Variants in GRID1 observed in about 807,000 individuals in gnomAD.
GRID1 encodes glutamate ionotropic receptor delta type subunit 1.
A neutral mutation model predicts 98.0 loss-of-function variants in GRID1; 28 were observed. The ratio of observed to expected loss-of-function variants is 0.29; its 90% CI spans 0.21 to 0.39. The LOEUF is 0.39. GRID1 is among the 10% of genes least tolerant of loss of function. GRID1 has a pLI of 1.00. For missense variants in GRID1, 1,111 were observed against 1,340.5 expected (o/e 0.83, Z 2.67); for synonymous variants, 553 against 538.5 (o/e 1.03, Z -0.37).
intron 12 of GRID1, among the ~76,000 whole-genome samples, chr10:85,655,971 T>C (rs563359256): frequency 6.6e-6 from 1 of 151,488 alleles, no homozygotes; most frequent in South Asian, 2.1e-4. Flanking sequence ...AATACATACA[T>C]ACATCTTCTC....
intron 3 of GRID1, among the ~76,000 whole-genome samples, chr10:86,173,411 A>C (rs1047094124): frequency 6.6e-6 from 1 of 152,152 alleles, no homozygotes; most frequent in Non-Finnish European, 1.5e-5. Context: ...ACTATCTTCC[A>C]ATATCCAGCC....
intron 12 of GRID1, among the ~76,000 whole-genome samples, chr10:85,705,598 A>T (rs1248297625): frequency 6.6e-6 from 1 of 152,218 alleles, no homozygotes; most frequent in Non-Finnish European, 1.5e-5. Flanking sequence ...ATCTTCCCTA[A>T]CTCGTTTTAT....
chr10:85,939,012 T>G (rs929212588), intron 4 of GRID1, among the ~76,000 whole-genome samples: 1 of 152,230 alleles, frequency 6.6e-6, no homozygotes. Context: ...ATGCTGACAC[T>G]TGTAGCCTCC....
At chr10:86,004,298 C>T (rs985756298) in intron 4 of GRID1, among the ~76,000 whole-genome samples, 1 of 152,108 alleles carries the variant, frequency 6.6e-6, no homozygotes, top group African/African-American at 2.4e-5. Context: ...GAAAAATGTC[C>T]CAATTATCAA....
chr10:85,633,797 C>G (rs1429937733), intron 13 of GRID1, among the ~76,000 whole-genome samples: 2 of 152,172 alleles, frequency 1.3e-5, no homozygotes, highest in African/African-American at 4.8e-5. Context: ...CAAATAGACT[C>G]TCACTCCTCA....
At chr10:86,208,408 GCCC>G (rs1846065167) in intron 2 of GRID1, among the ~76,000 whole-genome samples, 1 of 151,842 alleles carries the variant, frequency 6.6e-6, no homozygotes, top group Non-Finnish European at 1.5e-5. Context: ...GCCCTGCTGT[GCCC>G]CCCAAGAGCC....
intron 13 of GRID1, among the ~76,000 whole-genome samples, chr10:85,623,869 G>C (rs7078309): frequency 0.076 from 11,604 of 152,256 alleles, 700 homozygotes; most frequent in African/African-American, 0.16. Flanking sequence ...GCTCTGGAAA[G>C]GACAGAGCAT....
chr10:86,000,346 A>G (rs912816040), intron 4 of GRID1, among the ~76,000 whole-genome samples: 4 of 152,256 alleles, frequency 2.6e-5, no homozygotes, highest in African/African-American at 7.2e-5. Context: ...TGGAAAACTC[A>G]GTTTAGCAAG....
At chr10:85,931,904 T>C (rs1217765590) in intron 4 of GRID1, among the ~76,000 whole-genome samples, 2 of 152,194 alleles carry the variant, frequency 1.3e-5, no homozygotes, top group Non-Finnish European at 2.9e-5. Flanking sequence ...AGGTATTTTC[T>C]CCAGAGTCCT....
chr10:86,310,359 T>C (rs1410373579), intron 2 of GRID1, among the ~76,000 whole-genome samples: 1 of 152,156 alleles, frequency 6.6e-6, no homozygotes, highest in Non-Finnish European at 1.5e-5. Context: ...AGATTCTTTA[T>C]ATACTTGGCC....
intron 8 of GRID1, among the ~76,000 whole-genome samples, chr10:85,794,487 A>C (rs553483607): frequency 1.1e-3 from 163 of 152,332 alleles, no homozygotes; most frequent in Admixed American, 5.5e-3. Flanking sequence ...ACATCACACC[A>C]AAAATATTTG....
chr10:85,948,325 T>A (rs1226463876), intron 4 of GRID1, among the ~76,000 whole-genome samples: 1 of 152,152 alleles, frequency 6.6e-6, no homozygotes, highest in Non-Finnish European at 1.5e-5. Context: ...AAACATCTAG[T>A]CCAAGGAAGA....
At chr10:85,779,342 G>T (rs1842361595) in intron 8 of GRID1, among the ~76,000 whole-genome samples, 1 of 152,160 alleles carries the variant, frequency 6.6e-6, no homozygotes, top group Non-Finnish European at 1.5e-5. Context: ...TTAGGAGAGT[G>T]AAATCTCTCT....
chr10:86,264,841 C>T (rs375694024), intron 2 of GRID1: 51 of 451,694 alleles, frequency 1.1e-4, no homozygotes, highest in Middle Eastern at 3.4e-4. Context: ...GCCCTGCAGA[C>T]GAGGAAGCCC....
intron 3 of GRID1, among the ~76,000 whole-genome samples, chr10:86,204,296 T>A (rs1405768598): frequency 6.6e-6 from 1 of 152,136 alleles, no homozygotes; most frequent in South Asian, 2.1e-4. Flanking sequence ...GAGGGGCTAC[T>A]CTATGCCAGG....
rs1408094183 is a variant in GRID1 at position 85,602,506 on chromosome 10, C to T, written c.2797G>A (p.Glu933Lys). Residue 933 changes from glutamate (E) to lysine (K), a missense_variant, in exon 16 of 16, where the codon GAG becomes AAG. Glu to Lys is a moderately conservative substitution (Grantham distance 56, BLOSUM62 1). This residue lies in a region of GRID1 where 762 missense variants were observed against 869.1 expected (regional missense o/e 0.88). Transcript: ENST00000327946. ...CGGCTGGTGCCATGGCTGCTCTGCT[C>T]TGGCAGAAAGGTGCTGACCGAGAGC... is the stretch of plus-strand genomic sequence containing the variant. ...TQLSVSTFLP[E>K]QSSHGTSRTL... 18 of 1,614,034 alleles carry T rather than the reference C, an allele frequency of 1.1e-5. No individual in the cohort carries two copies. Among genetic ancestry groups the T allele is most frequent in the Non-Finnish European group, 1.5e-5 (18 of 1,180,032 alleles).
At chr10:86,058,532 T>C (rs1380811592) in intron 4 of GRID1, among the ~76,000 whole-genome samples, 1 of 152,204 alleles carries the variant, frequency 6.6e-6, no homozygotes, top group Admixed American at 6.5e-5. Flanking sequence ...AAGTGACACA[T>C]TGTATAGAGA....
intron 2 of GRID1, among the ~76,000 whole-genome samples, chr10:86,361,387 G>A (rs1358355859): frequency 6.6e-6 from 1 of 152,156 alleles, no homozygotes; most frequent in East Asian, 1.9e-4. Context: ...AACTCTCTGG[G>A]CAGCAGGCAG....
chr10:85,694,598 AT>A (rs1283947013), intron 12 of GRID1, among the ~76,000 whole-genome samples: 39 of 98,374 alleles, frequency 4.0e-4, no homozygotes, highest in Non-Finnish European at 6.8e-4. Flanking sequence ...ATATATATAT[AT>A]ATAATGGAAT....
Sources: gnomAD v4.1 joint callset for allele counts (sites outside exome capture counted in the v4.1 genomes callset) on GRCh38, gnomAD v4.1.1 for gene constraint, gnomAD v4.1.1 regional missense constraint, MANE v1.5 for transcripts, NCBI Gene and HGNC (gene_info 2026-07-23, HGNC 2026-07-21) for gene names.